Variants in ZBTB10 observed in about 807,000 individuals in gnomAD.
ZBTB10 encodes the protein zinc finger and BTB domain-containing protein 10.
A neutral mutation model predicts 76.4 loss-of-function variants in ZBTB10; 32 were observed. The observed-to-expected ratio is 0.42, with a 90% CI of 0.32 to 0.56. The LOEUF is 0.56. Among genes scored for constraint, ZBTB10 ranks in the 20% least tolerant of loss-of-function variants. The pLI is 0.14. For synonymous variants in ZBTB10, 523 were observed against 432.9 expected, an observed-to-expected ratio of 1.21 and a Z score of -2.58; for missense variants, 1,057 against 1,098.5, an observed-to-expected ratio of 0.96 and a Z score of 0.53.
chr8:80,498,650 G>A lies in ZBTB10; in HGVS notation c.973-844G>A, dbSNP rs112553111. ...CGTTTAAGGAAAAGGCTCAGGGATA[G>A]TGACTTTCCAAGGACACGCAGTTAA... On this transcript the variant is annotated intron_variant, in intron 1 of 5. Transcript: ENST00000455036. 6.7e-3 allele frequency among the ~76,000 whole-genome samples: 1,021 copies of A among 152,338 alleles called. 11 individuals carry two copies. The highest frequency in any genetic ancestry group is 0.012 in the Non-Finnish European group (791 of 68,022).
At chr8:80,485,917 T>G, upstream of ZBTB10, 1 of 1,526,246 alleles carries the variant, frequency 6.6e-7, no homozygotes, top group East Asian at 2.5e-5. Context: ...GGCCAGACCC[T>G]GACACTCGCC....
chr8:80,493,642 C>A (rs1479935527), intron 1 of ZBTB10, among the ~76,000 whole-genome samples: 7 of 150,848 alleles, frequency 4.6e-5, no homozygotes, highest in African/African-American at 1.7e-4. Context: ...CATGGAGAAA[C>A]CCCGTCTCTA....
At chr8:80,502,442 G>A (rs1815948241) in intron 2 of ZBTB10, among the ~76,000 whole-genome samples, 1 of 151,994 alleles carries the variant, frequency 6.6e-6, no homozygotes, top group Non-Finnish European at 1.5e-5. Context: ...TCACCATGTT[G>A]GCCAAGCTGG....
chr8:80,516,343 C>A (rs986363725), intron 3 of ZBTB10, among the ~76,000 whole-genome samples: 1 of 152,228 alleles, frequency 6.6e-6, no homozygotes, highest in Non-Finnish European at 1.5e-5. Context: ...TTGGCATTTG[C>A]TAGATAACAT....
chr8:80,487,596 C>T lies in ZBTB10; in HGVS notation c.786C>T (p.Arg262=). Residue 262 remains arginine, a synonymous_variant, in exon 1 of 6, where the codon CGC becomes CGT. Coordinates refer to ENST00000455036, the MANE Select transcript of ZBTB10 (RefSeq NM_001105539.3). ...GGCTCAAGGACTTTCCCTGGCTGCG[C>T]TATTCCAAGGATACTGGTCTTATGT... ...TSWLKDFPWL[R]YSKDTGLMSC... 6.2e-7 allele frequency: 1 copy of T among 1,613,684 alleles called. No individual in the cohort carries two copies. Among genetic ancestry groups the T allele is most frequent in the Non-Finnish European group, 8.5e-7 (1 of 1,179,752 alleles).
rs535510612 is a variant in ZBTB10 at position 80,520,996 on chromosome 8, C to T, written c.*1468C>T. The T allele has an allele frequency of 2.0e-5, 3 of 151,962 alleles. No individual in the cohort carries two copies. Among genetic ancestry groups the T allele is most frequent in the Admixed American group, 6.5e-5 (1 of 15,268 alleles). The allele number at this position is 151,962 out of a possible 1,614,324, so 9.4% of individuals were successfully genotyped here. ...TTAAATAAAAATTGAGTATATTTTC[C>T]TATTTTATATCAGGTAACTAAATTA... On this transcript the variant is annotated 3_prime_UTR_variant, in exon 6 of 6. Coordinates refer to ENST00000455036, the MANE Select transcript of ZBTB10 (RefSeq NM_001105539.3).
At chr8:80,490,673 A>G (rs1306556569) in intron 1 of ZBTB10, among the ~76,000 whole-genome samples, 1 of 152,206 alleles carries the variant, frequency 6.6e-6, no homozygotes, top group East Asian at 1.9e-4. Context: ...GACACTCTTA[A>G]TATCTTGTCT....
intron 1 of ZBTB10, among the ~76,000 whole-genome samples, chr8:80,491,895 T>G (rs149469009): frequency 1.3e-5 from 2 of 152,348 alleles, no homozygotes; most frequent in African/African-American, 4.8e-5. Context: ...TAAATTTAGT[T>G]AACCTTTACA....
chr8:80,492,626 A>G (rs143976972), intron 1 of ZBTB10, among the ~76,000 whole-genome samples: 2,505 of 151,990 alleles, frequency 0.016, 71 homozygotes, highest in African/African-American at 0.058. Flanking sequence ...CTACAGGCAC[A>G]TGCCACCATG....
chr8:80,513,316 T>A (rs182454923), intron 2 of ZBTB10, among the ~76,000 whole-genome samples: 1 of 152,186 alleles, frequency 6.6e-6, no homozygotes, highest in East Asian at 1.9e-4. Flanking sequence ...TTAATTTTTG[T>A]ATTTTTTGTA....
chr8:80,500,406 ACTTC>A, intron 2 of ZBTB10, 24 bp downstream of exon 2: 1 of 1,484,156 alleles, frequency 6.7e-7, no homozygotes, highest in South Asian at 1.4e-5. Context: ...ATACAAGGAT[ACTTC>A]CTTGTTCATC....
At chr8:80,512,233 T>C (rs1392886113) in intron 2 of ZBTB10, among the ~76,000 whole-genome samples, 1 of 152,194 alleles carries the variant, frequency 6.6e-6, no homozygotes, top group Non-Finnish European at 1.5e-5. Flanking sequence ...TGGAATATCC[T>C]TAAGTTCTGG....
intron 1 of ZBTB10, among the ~76,000 whole-genome samples, chr8:80,493,202 C>G (rs1160648082): frequency 8.4e-6 from 1 of 119,314 alleles, no homozygotes; most frequent in Non-Finnish European, 1.7e-5. Flanking sequence ...AACGCGCGCG[C>G]GCGCGCACAC....
At chr8:80,500,718 T>G (rs982410020) in intron 2 of ZBTB10, among the ~76,000 whole-genome samples, 2 of 152,190 alleles carry the variant, frequency 1.3e-5, no homozygotes, top group Non-Finnish European at 2.9e-5. Flanking sequence ...TTGGGAAAGA[T>G]AGAATCTTTA....
rs1044932494 is a variant in ZBTB10, at chr8:80,520,697, A to G, written c.*1169A>G. Reference sequence around the variant, plus strand: ...ATTTTTTTCTGTCCTTGAAGTCACTACACCTTGATACAGTCTTTCTAGTAG... The same window carrying G: ...ATTTTTTTCTGTCCTTGAAGTCACTGCACCTTGATACAGTCTTTCTAGTAG... On this transcript the variant is annotated 3_prime_UTR_variant, in exon 6 of 6. Transcript: ENST00000455036. 1 of 151,954 alleles carries G rather than the reference A, an allele frequency of 6.6e-6. No homozygotes were observed. The highest frequency in any genetic ancestry group is 2.4e-5 in the African/African-American group (1 of 41,414). 9.4% of individuals were successfully genotyped at this position (151,954 alleles called of 1,614,324 possible).
rs55665374 is a variant in ZBTB10, at chr8:80,510,622, C to T, written c.1862-3288C>T. Among the ~76,000 whole-genome samples the T allele has an allele frequency of 4.9e-3, 719 of 146,648 alleles. 6 individuals are homozygous for T. The highest frequency in any genetic ancestry group is 0.018 in the African/African-American group (690 of 38,466). On this transcript the variant is annotated intron_variant, in intron 2 of 5. Transcript: ENST00000455036. Reference sequence around the variant, plus strand: ...ACCTGCCACCAGTCAGAAAAATAGCCGTCATTTTGTGAAACCAGTGTGTGT... The same window carrying T: ...ACCTGCCACCAGTCAGAAAAATAGCTGTCATTTTGTGAAACCAGTGTGTGT...
At chr8:80,513,869 G>T in intron 2 of ZBTB10, 41 bp from the exon 3 acceptor site, 2 of 1,533,990 alleles carry the variant, frequency 1.3e-6, no homozygotes, top group East Asian at 4.5e-5. Context: ...TGGTGGCTAT[G>T]GTGTGGTTTG....
At position 80,487,283 on chromosome 8, in the gene ZBTB10, C is replaced by G. The variant is rs1257648450; in HGVS notation, c.473C>G (p.Pro158Arg). 1.9e-6 allele frequency: 3 copies of G among 1,550,002 alleles called. No homozygotes were observed. Among genetic ancestry groups the G allele is most frequent in the Non-Finnish European group, 2.6e-6 (3 of 1,147,598 alleles). ...WPLRHFNGRGPATVDLELDAL... is the reference protein window; with the variant it reads ...WPLRHFNGRGRATVDLELDAL... The stretch of plus-strand genomic sequence containing the variant: ...TTGAGGCATTTCAATGGGCGAGGGC[C>G]GGCGACTGTGGATCTGGAGCTGGAC... The change falls in exon 1 of 6, where the codon CCG becomes CGG. Residue 158 changes from proline (P) to arginine (R), a missense_variant. By Grantham distance (103) the Pro-to-Arg change is moderately radical. This residue lies in a region of ZBTB10 where 556 missense variants were observed against 451.7 expected (regional missense o/e 1.23). Coordinates refer to ENST00000455036, the MANE Select transcript of ZBTB10 (RefSeq NM_001105539.3).
At chr8:80,486,137 A>AGCCCCCCTCCCCCAGCCCG (rs1815441580), upstream of ZBTB10, 1 of 270,814 alleles carries the variant, frequency 3.7e-6, no homozygotes, top group Non-Finnish European at 6.0e-6. Flanking sequence ...CCCCAAGCCC[A>AGCCCCCCTCCCCCAGCCCG]GCCCCCCTCC....
Sources: gnomAD v4.1 joint callset for allele counts (sites outside exome capture counted in the v4.1 genomes callset) on GRCh38, gnomAD v4.1.1 for gene constraint, gnomAD v4.1.1 regional missense constraint, MANE v1.5 for transcripts, NCBI Gene and HGNC (gene_info 2026-07-23, HGNC 2026-07-21) for gene names.